Variants in CAPZA2 observed in about 807,000 individuals in gnomAD.
CAPZA2 encodes the protein F-actin-capping protein subunit alpha-2.
Under a neutral mutation model 44.0 loss-of-function variants are expected in CAPZA2, and 13 were observed. The observed-to-expected ratio is 0.30, with a 90% confidence interval of 0.19 to 0.47. The LOEUF is 0.47. Among genes scored for constraint, CAPZA2 ranks in the 20% least tolerant of loss-of-function variants. CAPZA2 has a pLI of 1.00. For missense variants in CAPZA2, 244 were observed against 338.6 expected (o/e 0.72, Z 2.19); for synonymous variants, 94 against 108.2 (o/e 0.87, Z 0.81).
At chr7:116,883,133 A>G (rs1796721680) in intron 1 of CAPZA2, among the ~76,000 whole-genome samples, 1 of 152,234 alleles carries the variant, frequency 6.6e-6, no homozygotes, top group Non-Finnish European at 1.5e-5. Context: ...ATAACTCACT[A>G]GATTCTTTTT....
chr7:116,886,523 T>C (rs1796763837), intron 1 of CAPZA2, among the ~76,000 whole-genome samples: 1 of 152,208 alleles, frequency 6.6e-6, no homozygotes, highest in South Asian at 2.1e-4. Context: ...TTTCTTTCCA[T>C]TATTTTTAGT....
chr7:116,912,954 T>C (rs1339131309), intron 8 of CAPZA2, among the ~76,000 whole-genome samples: 1 of 152,236 alleles, frequency 6.6e-6, no homozygotes, highest in African/African-American at 2.4e-5. Flanking sequence ...CCAAAATGTG[T>C]CCTTTTGATG....
chr7:116,886,155 A>G (rs943137914), intron 1 of CAPZA2: 1 of 154,812 alleles, frequency 6.5e-6, no homozygotes. Flanking sequence ...AGTACTTTAG[A>G]TCATTTACTC....
chr7:116,881,667 AG>A (rs1264393266), intron 1 of CAPZA2, among the ~76,000 whole-genome samples: 2 of 143,552 alleles, frequency 1.4e-5, no homozygotes, highest in East Asian at 4.5e-4. Flanking sequence ...TGAACCCGGG[AG>A]GCAGAGCTTG....
chr7:116,874,773 G>A (rs1341149311), intron 1 of CAPZA2: 1 of 152,260 alleles, frequency 6.6e-6, no homozygotes, highest in East Asian at 1.9e-4. Flanking sequence ...TAAGGGAAGG[G>A]ACTGGGGAAT....
chr7:116,864,322 A>T (rs1278160603), intron 1 of CAPZA2, among the ~76,000 whole-genome samples: 3 of 152,206 alleles, frequency 2.0e-5, no homozygotes, highest in Admixed American at 2.0e-4. Context: ...AAAATAAAAA[A>T]GTTTTTTAAA....
intron 8 of CAPZA2, among the ~76,000 whole-genome samples, chr7:116,914,267 G>C (rs192718749): frequency 3.9e-5 from 6 of 151,918 alleles, no homozygotes; most frequent in Non-Finnish European, 8.8e-5. Flanking sequence ...CTGACCTCGT[G>C]ATCCACCCAC....
chr7:116,906,195 T>C, intron 5 of CAPZA2, 68 bp from the exon 6 acceptor site: 1 of 1,570,378 alleles, frequency 6.4e-7, no homozygotes, highest in Non-Finnish European at 8.6e-7. Flanking sequence ...CAGTATTTTA[T>C]AGATTTTTAA....
intron 2 of CAPZA2, among the ~76,000 whole-genome samples, chr7:116,891,363 T>TA (rs1477371458): frequency 2.0e-5 from 3 of 152,244 alleles, no homozygotes; most frequent in Non-Finnish European, 4.4e-5. Flanking sequence ...AAATAGAACT[T>TA]CCCACTTTGT....
intron 1 of CAPZA2, among the ~76,000 whole-genome samples, chr7:116,883,488 T>TA (rs1796724968): frequency 6.6e-6 from 1 of 152,328 alleles, no homozygotes; most frequent in East Asian, 1.9e-4. Flanking sequence ...GTCAGATTCT[T>TA]ACCTTTTGAA....
At chr7:116,863,480 A>G (rs1309000982) in intron 1 of CAPZA2, among the ~76,000 whole-genome samples, 11 of 152,264 alleles carry the variant, frequency 7.2e-5, no homozygotes. Context: ...ATGCTGTGAC[A>G]GCAATGGAAC....
chr7:116,862,780 C>G (rs1024272480), intron 1 of CAPZA2, 130 bp downstream of exon 1: 3 of 1,021,074 alleles, frequency 2.9e-6, no homozygotes, highest in Admixed American at 2.6e-5. Flanking sequence ...CCCTTCCTCC[C>G]CCATCCTTAC....
At chr7:116,883,197 T>C (rs1375762600) in intron 1 of CAPZA2, among the ~76,000 whole-genome samples, 3 of 152,244 alleles carry the variant, frequency 2.0e-5, no homozygotes, top group Non-Finnish European at 4.4e-5. Context: ...CCCTCCATGT[T>C]TGTTAGATAA....
chr7:116,896,879 G>A (rs1021958406), intron 3 of CAPZA2, among the ~76,000 whole-genome samples: 1 of 152,028 alleles, frequency 6.6e-6, no homozygotes, highest in Admixed American at 6.6e-5. Flanking sequence ...TACTGTTTTT[G>A]TATCTATAAA....
chr7:116,890,528 ATATATATATATATATAT>A, intron 2 of CAPZA2, among the ~76,000 whole-genome samples: 1 of 6,670 alleles, frequency 1.5e-4, no homozygotes, highest in African/African-American at 6.3e-4. Context: ...AAAAAAAAAT[ATATATATATATATATAT>A]ATATATATAT....
chr7:116,903,502 G>A (rs1037485148), intron 4 of CAPZA2, among the ~76,000 whole-genome samples: 5 of 152,184 alleles, frequency 3.3e-5, no homozygotes, highest in Admixed American at 2.0e-4. Context: ...GATAAGTCCC[G>A]ACATAGCTAA....
In CAPZA2 at chr7:116,918,858, C is replaced by T. The variant is rs1791721587; in HGVS notation, c.*991C>T. ...ATTACATATGGTGTGCGGTTACAGTCTAAATTTTTTCATCCTCCTATGCAT... is the reference window on the plus strand; with the variant it reads ...ATTACATATGGTGTGCGGTTACAGTTTAAATTTTTTCATCCTCCTATGCAT... On this transcript the variant is annotated 3_prime_UTR_variant, in exon 10 of 10. Coordinates refer to ENST00000361183, the MANE Select transcript of CAPZA2 (RefSeq NM_006136.3). 1 of 152,040 alleles carries T rather than the reference C, an allele frequency of 6.6e-6. No homozygotes were observed. Among genetic ancestry groups the T allele is most frequent in the East Asian group, 1.9e-4 (1 of 5,198 alleles). 9.4% of individuals were successfully genotyped at this position (152,040 alleles called of 1,614,324 possible). A position where few individuals can be genotyped will look rare whatever the true frequency, so the allele number is the denominator to read the frequency against.
chr7:116,881,295 T>C (rs1475167465), intron 1 of CAPZA2, among the ~76,000 whole-genome samples: 1 of 152,096 alleles, frequency 6.6e-6, no homozygotes, highest in East Asian at 1.9e-4. Context: ...AAATCAATCC[T>C]GGACAGATTG....
chr7:116,888,003 C>A, intron 1 of CAPZA2, 124 bp from the exon 2 acceptor site: 1 of 636,074 alleles, frequency 1.6e-6, no homozygotes, highest in East Asian at 2.7e-5. Flanking sequence ...GAAAAAGTAT[C>A]ACTGTATTTA....
Sources: allele counts gnomAD v4.1 joint callset (sites outside exome capture counted in the v4.1 genomes callset), GRCh38; gene constraint gnomAD v4.1.1; transcripts MANE v1.5; gene names NCBI Gene and HGNC (gene_info 2026-07-23, HGNC 2026-07-21).